Variants in PAQR5 observed in about 807,000 individuals in gnomAD.
The protein encoded by PAQR5 is progestin and adipoQ receptor family member 5, also known as membrane progestin receptor gamma.
A neutral mutation model predicts 34.5 loss-of-function variants in PAQR5; 20 were observed. The ratio of observed to expected loss-of-function variants is 0.58; its 90% CI spans 0.41 to 0.84. The LOEUF (loss-of-function observed/expected upper bound fraction) is 0.84. PAQR5 is among the 40% of genes least tolerant of loss of function. PAQR5 has a pLI of 0.00. For synonymous variants in PAQR5, 131 were observed against 155.6 expected, an observed-to-expected ratio of 0.84 and a Z score of 1.18; for missense variants, 378 against 412.7, an observed-to-expected ratio of 0.92 and a Z score of 0.73.
chr15:69,397,661 C>A, intron 7 of PAQR5, 97 bp downstream of exon 7: 1 of 843,570 alleles, frequency 1.2e-6, no homozygotes, highest in Non-Finnish European at 2.1e-6. Flanking sequence ...GCAATGGGAA[C>A]CGCAGAACAA....
chr15:69,334,081 G>A (rs1291824531), intron 1 of PAQR5, among the ~76,000 whole-genome samples: 1 of 152,076 alleles, frequency 6.6e-6, no homozygotes, highest in Admixed American at 6.5e-5. Flanking sequence ...CAGACTGGAG[G>A]CAGTGGCGCA....
At chr15:69,367,486 A>C (rs2055433026) in intron 3 of PAQR5, among the ~76,000 whole-genome samples, 1 of 152,186 alleles carries the variant, frequency 6.6e-6, no homozygotes, top group Admixed American at 6.5e-5. Context: ...CTACATAGCT[A>C]AGTGGTCAGT....
At chr15:69,318,916 C>T (rs993738933) in intron 1 of PAQR5, among the ~76,000 whole-genome samples, 8 of 151,564 alleles carry the variant, frequency 5.3e-5, no homozygotes, top group African/African-American at 1.5e-4. Context: ...GGATCACCAC[C>T]TAAGGTCGGG....
chr15:69,396,265 A>T (rs1420979448), intron 6 of PAQR5, among the ~76,000 whole-genome samples: 1 of 150,666 alleles, frequency 6.6e-6, no homozygotes, highest in Admixed American at 6.6e-5. Context: ...CTCAGAGGAA[A>T]CAGCAGATGG....
Position 69,321,122 on chromosome 15 carries a change from T to C in PAQR5, c.-276-16219T>C, listed in dbSNP as rs142182212. Among the ~76,000 whole-genome samples, 338 of 152,358 alleles carry C rather than the reference T, an allele frequency of 2.2e-3. 2 individuals are homozygous for C. The highest frequency in any genetic ancestry group is 7.7e-3 in the African/African-American group (320 of 41,582). Reference sequence around the variant, plus strand: ...ACGCTTCCTGTATCAGTTTCAAAACTGTCATGTTGATATCCCACATGTTAG... The same window carrying C: ...ACGCTTCCTGTATCAGTTTCAAAACCGTCATGTTGATATCCCACATGTTAG... On this transcript the variant is annotated intron_variant, in intron 1 of 8. Coordinates refer to ENST00000395407, the MANE Select transcript of PAQR5 (RefSeq NM_017705.4).
At chr15:69,392,042 G>A (rs1290554534) in intron 6 of PAQR5, 43 of 289,766 alleles carry the variant, frequency 1.5e-4, no homozygotes, top group Admixed American at 4.6e-5. Context: ...GGGCAGTGGA[G>A]CCAAGAAAAA....
At chr15:69,322,392 A>G (rs1595850136) in intron 1 of PAQR5, among the ~76,000 whole-genome samples, 1 of 149,098 alleles carries the variant, frequency 6.7e-6, no homozygotes, top group Admixed American at 6.7e-5. Context: ...GGAGGATAAG[A>G]CAGGAGGCAG....
At chr15:69,300,633 CTT>C (rs1210511967) in intron 1 of PAQR5, among the ~76,000 whole-genome samples, 13 of 46,014 alleles carry the variant, frequency 2.8e-4, no homozygotes, top group Admixed American at 4.9e-4. Context: ...TTCTTTCTTT[CTT>C]TCTTTCTTTC....
At chr15:69,310,382 C>T (rs777310014) in intron 1 of PAQR5, among the ~76,000 whole-genome samples, 1 of 152,216 alleles carries the variant, frequency 6.6e-6, no homozygotes, top group Non-Finnish European at 1.5e-5. Flanking sequence ...TGAGAATACT[C>T]ATTTACCACA....
chr15:69,308,219 G>A (rs964620884), intron 1 of PAQR5, among the ~76,000 whole-genome samples: 3 of 152,168 alleles, frequency 2.0e-5, no homozygotes, highest in African/African-American at 7.2e-5. Context: ...TGCCAAGCTC[G>A]AGGCTGCATG....
At chr15:69,396,794 G>A (rs973938976) in intron 6 of PAQR5, 1 of 269,660 alleles carries the variant, frequency 3.7e-6, no homozygotes, top group Admixed American at 5.1e-5. Context: ...GTCATGTTCT[G>A]TCTGGGGGGA....
rs1383634919 is a variant in PAQR5 at position 69,403,863 on chromosome 15, C to T, written c.*41C>T. On this transcript the variant is annotated 3_prime_UTR_variant, in exon 9 of 9. Transcript: ENST00000395407. ...TTTCATGCCAGATGTCAACATTAAG[C>T]TGCAACATCCTAACCACCATAAGCC... The T allele has an allele frequency of 6.2e-7, 1 of 1,600,976 alleles. No homozygotes were observed. Among genetic ancestry groups the T allele is most frequent in the African/African-American group, 1.3e-5 (1 of 74,720 alleles).
chr15:69,332,062 C>T (rs140484674), intron 1 of PAQR5, among the ~76,000 whole-genome samples: 13 of 152,232 alleles, frequency 8.5e-5, no homozygotes, highest in East Asian at 5.8e-4. Context: ...TTCTTACCAG[C>T]GAAGATTCTG....
At chr15:69,383,737 A>G (rs1443963407) in intron 4 of PAQR5, among the ~76,000 whole-genome samples, 7 of 95,140 alleles carry the variant, frequency 7.4e-5, no homozygotes, top group African/African-American at 1.3e-4. Flanking sequence ...CTCTGTGCTC[A>G]TGGTGGAGGG....
chr15:69,335,740 G>A (rs1241148421), intron 1 of PAQR5, among the ~76,000 whole-genome samples: 18 of 151,782 alleles, frequency 1.2e-4, no homozygotes, highest in Admixed American at 1.2e-3. Context: ...ACTGATGTGG[G>A]GCCAGAATCT....
chr15:69,304,178 C>T (rs1446865259), intron 1 of PAQR5, among the ~76,000 whole-genome samples: 1 of 152,190 alleles, frequency 6.6e-6, no homozygotes, highest in Non-Finnish European at 1.5e-5. Context: ...TGTCCCCAAC[C>T]ACCTTCGATG....
At chr15:69,332,779 T>TAA (rs56280711) in intron 1 of PAQR5, among the ~76,000 whole-genome samples, 8,230 of 59,764 alleles carry the variant, frequency 0.14, 775 homozygotes, top group Admixed American at 0.16. Flanking sequence ...CTAAATCTTG[T>TAA]AAAAAAAAAA....
chr15:69,392,640 C>G (rs1420587468), intron 6 of PAQR5, among the ~76,000 whole-genome samples: 1 of 152,090 alleles, frequency 6.6e-6, no homozygotes, highest in Non-Finnish European at 1.5e-5. Flanking sequence ...TGCAGATGCC[C>G]CCAGAGGTCC....
At chr15:69,301,241 T>C (rs982194608) in intron 1 of PAQR5, among the ~76,000 whole-genome samples, 1 of 152,050 alleles carries the variant, frequency 6.6e-6, no homozygotes, top group African/African-American at 2.4e-5. Flanking sequence ...TAACATCAGA[T>C]GACCCACCCG....
Sources: allele counts gnomAD v4.1 joint callset (sites outside exome capture counted in the v4.1 genomes callset), GRCh38; gene constraint gnomAD v4.1.1; transcripts MANE v1.5; gene names NCBI Gene and HGNC (gene_info 2026-07-23, HGNC 2026-07-21).